Variants in FHOD3 observed in about 807,000 individuals in gnomAD.
FHOD3 encodes the protein formin homology 2 domain containing 3, also known as FH1/FH2 domain-containing protein 3.
FHOD3 carries 90 observed loss-of-function variants against 173.0 expected under a neutral mutation model. The observed-to-expected ratio is 0.52, with a 90% CI of 0.44 to 0.62. FHOD3 has a LOEUF of 0.62. Ranked by LOEUF, FHOD3 falls within the 20% of genes least tolerant of loss-of-function variation. FHOD3 has a pLI of 0.00. For missense variants in FHOD3, 1,945 were observed against 2,034.7 expected (o/e 0.96, Z 0.85); for synonymous variants, 828 against 823.0 (o/e 1.01, Z -0.10).
chr18:36,559,828 G>A (rs2058027027), intron 5 of FHOD3, among the ~76,000 whole-genome samples: 1 of 152,072 alleles, frequency 6.6e-6, no homozygotes, highest in Admixed American at 6.6e-5. Context: ...CTGGGAAGGG[G>A]CCTGTTTGAA....
chr18:36,534,545 C>T (rs564974280), intron 5 of FHOD3, among the ~76,000 whole-genome samples: 1 of 151,834 alleles, frequency 6.6e-6, no homozygotes, highest in East Asian at 1.9e-4. Context: ...CGCACTCTGT[C>T]GCCCAGGCTG....
chr18:36,326,988 C>T (rs761968348), intron 1 of FHOD3, among the ~76,000 whole-genome samples: 2 of 152,094 alleles, frequency 1.3e-5, no homozygotes, highest in African/African-American at 2.4e-5. Flanking sequence ...TTGCTGGGAC[C>T]GGTTATCTTT....
intron 3 of FHOD3, among the ~76,000 whole-genome samples, chr18:36,432,190 T>C (rs948313522): frequency 1.3e-5 from 2 of 152,208 alleles, no homozygotes; most frequent in Non-Finnish European, 1.5e-5. Flanking sequence ...CCCTGATTAC[T>C]CTTTATTTTT....
chr18:36,625,849 C>A, intron 10 of FHOD3, 100 bp downstream of exon 10: 1 of 1,021,194 alleles, frequency 9.8e-7, no homozygotes, highest in Non-Finnish European at 1.4e-6. Context: ...CCACTTTGTC[C>A]CCCACCCAGC....
chr18:36,715,544 C>A (rs9652999), intron 18 of FHOD3, among the ~76,000 whole-genome samples: 33,080 of 152,030 alleles, frequency 0.22, 4,279 homozygotes, highest in African/African-American at 0.36. Flanking sequence ...CTGATCATTC[C>A]TTCATTCATT....
At chr18:36,492,353 C>T (rs1033323573) in intron 3 of FHOD3, among the ~76,000 whole-genome samples, 1 of 152,098 alleles carries the variant, frequency 6.6e-6, no homozygotes, top group Non-Finnish European at 1.5e-5. Context: ...CATGACATTG[C>T]CATGGTTTGG....
At position 36,709,313 on chromosome 18, in the gene FHOD3, GCCTCCAGCGTCTCGT is replaced by G; in HGVS notation, c.2464_2478del (p.Val822_Ser826del). The G allele has an allele frequency of 1.2e-6, 2 of 1,614,262 alleles. No homozygotes were observed. The highest frequency in any genetic ancestry group is 1.7e-6 in the Non-Finnish European group (2 of 1,180,046). ...GGTGAACGAGAGGGACAACTGCTCT[GCCTCCAGCGTCTCGT>G]CCTCCAGCAGCACGTTGGAGAGGGA... On this transcript the variant is annotated inframe_deletion, in exon 18 of 29. Coordinates refer to ENST00000590592, the MANE Select transcript of FHOD3 (RefSeq NM_001281740.3).
At chr18:36,389,204 G>A (rs752179201) in intron 3 of FHOD3, among the ~76,000 whole-genome samples, 40 of 152,202 alleles carry the variant, frequency 2.6e-4, no homozygotes, top group Non-Finnish European at 4.9e-4. Flanking sequence ...AGAAGAGGAA[G>A]AAGAAGAGGA....
At chr18:36,625,470 G>A in intron 9 of FHOD3, 41 bp from the exon 10 acceptor site, 2 of 1,371,568 alleles carry the variant, frequency 1.5e-6, no homozygotes, top group Non-Finnish European at 1.9e-6. Context: ...GTGAAAGGAT[G>A]CCAAGCCTGA....
At chr18:36,387,749 C>G (rs975103007) in intron 3 of FHOD3, among the ~76,000 whole-genome samples, 3 of 152,152 alleles carry the variant, frequency 2.0e-5, no homozygotes, top group Non-Finnish European at 2.9e-5. Context: ...GCTCCTCCAC[C>G]CCGCATTGGC....
intron 18 of FHOD3, chr18:36,709,842 C>T (rs1249715684): frequency 6.3e-6 from 1 of 157,920 alleles, no homozygotes; most frequent in South Asian, 1.9e-4. Flanking sequence ...GTGTGTTAAT[C>T]ATTTTGACTG....
chr18:36,661,802 C>T (rs150123706), intron 14 of FHOD3, among the ~76,000 whole-genome samples: 37 of 152,222 alleles, frequency 2.4e-4, no homozygotes, highest in Non-Finnish European at 1.6e-4. Flanking sequence ...AAAATGAATC[C>T]ATCTCCATAT....
intron 3 of FHOD3, among the ~76,000 whole-genome samples, chr18:36,472,140 A>T (rs1231437978): frequency 6.7e-6 from 1 of 149,906 alleles, no homozygotes; most frequent in Non-Finnish European, 1.5e-5. Context: ...TCTTAAATAT[A>T]TAAGTTACTT....
intron 5 of FHOD3, chr18:36,544,645 T>G (rs980362230): frequency 3.3e-5 from 5 of 152,314 alleles, no homozygotes; most frequent in Non-Finnish European, 5.9e-5. Flanking sequence ...CACCCTGGCA[T>G]GCGGAGCAGT....
chr18:36,336,665 T>A (rs1178948385), intron 1 of FHOD3, among the ~76,000 whole-genome samples: 15 of 134,644 alleles, frequency 1.1e-4, no homozygotes, highest in Non-Finnish European at 3.1e-5. Flanking sequence ...GGTGAAACCC[T>A]GTTTCTGCTA....
intron 24 of FHOD3, among the ~76,000 whole-genome samples, chr18:36,754,251 T>A (rs570413905): frequency 3.3e-5 from 5 of 152,298 alleles, no homozygotes; most frequent in African/African-American, 1.2e-4. Context: ...TCCCTTATTT[T>A]AAAAAATCCA....
At chr18:36,588,774 A>G (rs995959428) in intron 6 of FHOD3, among the ~76,000 whole-genome samples, 3 of 152,308 alleles carry the variant, frequency 2.0e-5, no homozygotes, top group Non-Finnish European at 2.9e-5. Flanking sequence ...ACCTTCCCAC[A>G]TATTTGGTGA....
chr18:36,735,799 C>CATCT (rs1286689744), intron 20 of FHOD3, among the ~76,000 whole-genome samples: 2 of 152,320 alleles, frequency 1.3e-5, no homozygotes, highest in African/African-American at 4.8e-5. Context: ...TTATACAAAG[C>CATCT]TGTAGCCAGT....
intron 5 of FHOD3, among the ~76,000 whole-genome samples, chr18:36,541,093 AT>A (rs1249152654): frequency 1.3e-5 from 2 of 151,730 alleles, no homozygotes; most frequent in Non-Finnish European, 2.9e-5. Flanking sequence ...TCTACTAAAT[AT>A]ACAAAAATTA....
Sources: gnomAD v4.1 joint callset for allele counts (sites outside exome capture counted in the v4.1 genomes callset) on GRCh38, gnomAD v4.1.1 for gene constraint, MANE v1.5 for transcripts, NCBI Gene and HGNC (gene_info 2026-07-23, HGNC 2026-07-21) for gene names.